MIX23: variants seen among roughly 807,000 people sequenced by gnomAD.
MIX23 encodes mitochondrial matrix import factor 23.
Under a neutral mutation model 21.6 loss-of-function variants are expected in MIX23, and 13 were observed. The ratio of observed to expected loss-of-function variants is 0.60; its 90% confidence interval spans 0.39 to 0.96. MIX23 has a LOEUF of 0.96. MIX23 is among the 40% of genes least tolerant of loss of function. MIX23 has a pLI of 0.00. For synonymous variants in MIX23, 59 were observed against 58.0 expected, an observed-to-expected ratio of 1.02 and a Z score of -0.08; for missense variants, 144 against 171.2, an observed-to-expected ratio of 0.84 and a Z score of 0.89.
intron 4 of MIX23, among the ~76,000 whole-genome samples, chr3:122,362,202 C>G (rs1481814201): frequency 1.3e-5 from 2 of 152,022 alleles, no homozygotes; most frequent in African/African-American, 2.4e-5. Flanking sequence ...TTATCAGATA[C>G]CAGTAAAACT....
At chr3:122,362,867 C>A in intron 4 of MIX23, 101 bp downstream of exon 4, 1 of 723,644 alleles carries the variant, frequency 1.4e-6, no homozygotes, top group Non-Finnish European at 2.3e-6. Flanking sequence ...TCTCTACTTT[C>A]CTTACAGCCT....
chr3:122,367,080 CTG>C (rs1279144257), intron 3 of MIX23, among the ~76,000 whole-genome samples: 1 of 151,852 alleles, frequency 6.6e-6, no homozygotes. Flanking sequence ...CATGAAAAAA[CTG>C]TATTTATGCA....
intron 1 of MIX23, among the ~76,000 whole-genome samples, chr3:122,380,136 G>A (rs1368850278): frequency 2.0e-5 from 3 of 152,054 alleles, no homozygotes; most frequent in African/African-American, 4.8e-5. Context: ...TAGGGGTGAG[G>A]AGTAGGAAAG....
chr3:122,365,151 G>A (rs940562791), intron 3 of MIX23, among the ~76,000 whole-genome samples: 5 of 152,314 alleles, frequency 3.3e-5, no homozygotes, highest in Middle Eastern at 6.8e-3. Flanking sequence ...AGTTATAGAG[G>A]TCCAGCAACG....
chr3:122,378,762 T>C (rs1229277695), intron 1 of MIX23, among the ~76,000 whole-genome samples: 2 of 152,244 alleles, frequency 1.3e-5, no homozygotes, highest in Non-Finnish European at 2.9e-5. Flanking sequence ...AGCATGACTC[T>C]GTATCAATTT....
intron 4 of MIX23, 58 bp from the exon 5 acceptor site, chr3:122,359,977 G>GA (rs2075346288): frequency 6.7e-7 from 1 of 1,489,520 alleles, no homozygotes; most frequent in Admixed American, 2.2e-5. Flanking sequence ...ATCAGGCCTG[G>GA]AACTAAATTC....
At chr3:122,370,103 C>T (rs1031572079) in intron 2 of MIX23, among the ~76,000 whole-genome samples, 7 of 152,096 alleles carry the variant, frequency 4.6e-5, no homozygotes, top group Non-Finnish European at 8.8e-5. Context: ...TAATTCAATG[C>T]GCCAACAACT....
intron 1 of MIX23, among the ~76,000 whole-genome samples, chr3:122,381,522 G>A (rs1235293868): frequency 6.6e-6 from 1 of 152,060 alleles, no homozygotes; most frequent in Admixed American, 6.5e-5. Flanking sequence ...GAGGTCTGGA[G>A]TTTGGAACCA....
chr3:122,365,364 G>C (rs1336749887), intron 3 of MIX23: 1 of 152,160 alleles, frequency 6.6e-6, no homozygotes, highest in African/African-American at 2.4e-5. Context: ...GTGTCAGTTA[G>C]TATCTCAAGT....
intron 3 of MIX23, 130 bp from the exon 4 acceptor site, chr3:122,363,157 T>C (rs2075371958): frequency 1.5e-6 from 1 of 679,558 alleles, no homozygotes; most frequent in Non-Finnish European, 2.5e-6. Context: ...CTAGTATTTT[T>C]GTCTGTTAAT....
At chr3:122,373,139 A>C in intron 1 of MIX23, 1 of 315,266 alleles carries the variant, frequency 3.2e-6, no homozygotes, top group Non-Finnish European at 6.2e-6. Flanking sequence ...CAACATTTTA[A>C]TATGTCCCTT....
At position 122,367,375 on chromosome 3, in the gene MIX23, T is replaced by C. The variant is rs1039074342; in HGVS notation, c.324+801A>G. ...GCAATAAATCCCACATAATAAAATA[T>C]GCTGTATTTTTCTATTGTTTCCTTG... On this transcript the variant is annotated intron_variant, in intron 3 of 4. Transcript: ENST00000291458. Among the ~76,000 whole-genome samples, 5 of 152,290 alleles carry C rather than the reference T, an allele frequency of 3.3e-5. No homozygotes were observed. In the South Asian group the frequency reaches 1.0e-3, roughly 32 times the overall value.
chr3:122,383,183 G>T lies in MIX23; in HGVS notation c.42C>A (p.Ala14=), dbSNP rs776886799. The T allele has an allele frequency of 9.9e-6, 16 of 1,613,646 alleles. No individual in the cohort carries two copies. Among genetic ancestry groups the T allele is most frequent in the Admixed American group, 3.3e-5 (2 of 60,026 alleles). The change falls in exon 1 of 5, where the codon GCC becomes GCA. Residue 14 remains alanine, a synonymous_variant. Transcript: ENST00000291458. The part of the protein sequence containing the change: ...PSGGVNCEEF[A]EFQELLKVMR... The stretch of plus-strand genomic sequence containing the variant: ...AGGAAAACCCCATCACCTGGAACTC[G>T]GCGAACTCCTCACAGTTCACACCGC...
chr3:122,363,847 C>G (rs773556154), intron 3 of MIX23, among the ~76,000 whole-genome samples: 21 of 148,562 alleles, frequency 1.4e-4, no homozygotes, highest in Non-Finnish European at 4.4e-5. Context: ...CAGGACTCAC[C>G]ATACTCCCAG....
chr3:122,374,989 G>A (rs2075472496), intron 1 of MIX23, among the ~76,000 whole-genome samples: 1 of 152,132 alleles, frequency 6.6e-6, no homozygotes, highest in African/African-American at 2.4e-5. Flanking sequence ...CTGGGCTGGG[G>A]GTGGTGGCTC....
chr3:122,374,176 G>T (rs1218550250), intron 1 of MIX23, among the ~76,000 whole-genome samples: 2 of 147,004 alleles, frequency 1.4e-5, no homozygotes, highest in Non-Finnish European at 1.5e-5. Context: ...TATCTAAACT[G>T]AACTGATCTT....
chr3:122,378,867 A>C (rs1279936075), intron 1 of MIX23, among the ~76,000 whole-genome samples: 1 of 152,210 alleles, frequency 6.6e-6, no homozygotes, highest in Non-Finnish European at 1.5e-5. Flanking sequence ...ATTAAAATTA[A>C]ATGCAATTTA....
chr3:122,382,607 G>A (rs545201309), intron 1 of MIX23, among the ~76,000 whole-genome samples: 71 of 152,232 alleles, frequency 4.7e-4, no homozygotes, highest in South Asian at 8.3e-4. Flanking sequence ...TTAATAATTA[G>A]CCCTAGGTCT....
intron 1 of MIX23, among the ~76,000 whole-genome samples, chr3:122,377,475 A>C (rs1026627719): frequency 5.3e-5 from 8 of 152,216 alleles, no homozygotes. Context: ...AAAGTAAAGG[A>C]AAAATTCTGT....
Sources: gnomAD v4.1 joint callset for allele counts (sites outside exome capture counted in the v4.1 genomes callset) on GRCh38, gnomAD v4.1.1 for gene constraint, MANE v1.5 for transcripts, NCBI Gene and HGNC (gene_info 2026-07-23, HGNC 2026-07-21) for gene names.